The following TCF3 variants were observed in gnomAD, a reference collection of about 807,000 sequenced individuals.
TCF3 encodes transcription factor 3, also known as transcription factor E2-alpha.
In TCF3, 54 loss-of-function variants were observed where a neutral mutation model predicts 72.3. The observed-to-expected ratio is 0.75, with a 90% confidence interval of 0.60 to 0.94. The LOEUF is 0.94. Ranked by LOEUF, TCF3 falls within the 40% of genes least tolerant of loss-of-function variation. The probability of loss-of-function intolerance (pLI) is 0.00; values close to 1 mark genes in which losing one functional copy is unlikely to be tolerated. For missense variants in TCF3, 1,078 were observed against 934.4 expected, an observed-to-expected ratio of 1.15 and a Z score of -2.00; for synonymous variants, 525 against 412.6, an observed-to-expected ratio of 1.27 and a Z score of -3.30.
chr19:1,621,031 G>T lies in TCF3; in HGVS notation c.1030C>A (p.His344Asn), dbSNP rs758503503. The T allele has an allele frequency of 5.2e-6, 8 of 1,525,512 alleles. No homozygotes were observed. The African/African-American group carries it at 8.3e-5, about 16-fold the overall frequency. The allele number at this position is 1,525,512 out of a possible 1,614,324, so 94.5% of individuals were successfully genotyped here. The change falls in exon 13 of 19, where the codon CAC becomes AAC. Residue 344 changes from histidine to asparagine, a missense_variant. Coordinates refer to ENST00000262965, the MANE Select transcript of TCF3 (RefSeq NM_003200.5). ...CTGGACGAGAAGTTATTGCTTGAGT[G>T]ATCCGGGGAGTAGATCTGCGAGGAG... ...KALASIYSPD[H>N]SSNNFSSSPS...
chr19:1,619,845 G>T lies in TCF3; in HGVS notation c.1102C>A (p.Gln368Lys). Reference protein sequence around the residue: ...GSPQGLAGTSQWPRAGAPGAL... With the variant: ...GSPQGLAGTSKWPRAGAPGAL... ...CCGGGGGCTCCTGCTCGAGGCCACT[G>T]TGACGTTCCTGGAAGGGAGTGGGGA... The change falls in exon 14 of 19, where the codon CAG (glutamine) becomes AAG (lysine). Residue 368 changes from glutamine to lysine, a missense_variant. By Grantham distance (53) the Gln-to-Lys change is moderately conservative. Transcript: ENST00000262965. The T allele has an allele frequency of 6.3e-7, 1 of 1,578,350 alleles. No individual in the cohort carries two copies. Among genetic ancestry groups the T allele is most frequent in the Non-Finnish European group, 8.6e-7 (1 of 1,162,944 alleles).
intron 8 of TCF3, among the ~76,000 whole-genome samples, chr19:1,623,585 T>C (rs1469086961): frequency 6.6e-6 from 1 of 152,062 alleles, no homozygotes; most frequent in African/African-American, 2.4e-5. Context: ...GGTTTCACCA[T>C]GTTGACTAGG....
intron 1 of TCF3, chr19:1,650,869 G>C (rs2041903649): frequency 1.3e-5 from 3 of 232,090 alleles, no homozygotes; most frequent in African/African-American, 6.6e-5. Context: ...AAGTGCCGGG[G>C]GTGGGGGGGA....
chr19:1,632,163 C>T (rs886740376), intron 4 of TCF3, 47 bp from the exon 5 acceptor site: 9 of 1,588,162 alleles, frequency 5.7e-6, no homozygotes, highest in Non-Finnish European at 7.7e-6. Context: ...CTTCACAGGC[C>T]CCCCCTCCAC....
intron 14 of TCF3, 98 bp from the exon 15 acceptor site, chr19:1,619,572 T>C: frequency 6.9e-7 from 1 of 1,458,618 alleles, no homozygotes; most frequent in South Asian, 1.4e-5. Flanking sequence ...GGTGGTCCCA[T>C]CTTCCCCTTC....
intron 13 of TCF3, among the ~76,000 whole-genome samples, chr19:1,620,059 C>A (rs1244355990): frequency 2.0e-5 from 3 of 152,160 alleles, no homozygotes; most frequent in Non-Finnish European, 4.4e-5. Context: ...ACTGCCATTC[C>A]TATCTCTGAG....
chr19:1,627,630 G>A (rs2063060472), intron 5 of TCF3, among the ~76,000 whole-genome samples: 1 of 152,186 alleles, frequency 6.6e-6, no homozygotes, highest in South Asian at 2.1e-4. Context: ...GCAGAGCCCT[G>A]CCCTCAGTGT....
At chr19:1,617,400 C>T (rs1000680969) in intron 16 of TCF3, among the ~76,000 whole-genome samples, 10 of 152,224 alleles carry the variant, frequency 6.6e-5, no homozygotes, top group African/African-American at 2.4e-4. Context: ...AGTGGGACGC[C>T]GTGTTCATGA....
chr19:1,629,166 C>T (rs555498559), intron 5 of TCF3, among the ~76,000 whole-genome samples: 5 of 151,970 alleles, frequency 3.3e-5, no homozygotes, highest in African/African-American at 1.2e-4. Flanking sequence ...CTGGCCAGGC[C>T]CCTGCCCTTC....
intron 18 of TCF3, chr19:1,612,142 C>T (rs1299721972): frequency 6.8e-7 from 1 of 1,476,568 alleles, no homozygotes; most frequent in East Asian, 2.4e-5. Context: ...AGGAGGACCC[C>T]AGCATCTGCA....
chr19:1,619,115 G>A lies in TCF3; in HGVS notation c.1446C>T (p.Tyr482=), dbSNP rs1406374881. The change falls in exon 16 of 19, where the codon TAC becomes TAT. Residue 482 remains tyrosine (Y), a synonymous_variant. Transcript: ENST00000262965. ...GTCCCAAGCTCAAGGGCTTACCACT[G>A]TAGGAGTCGGGAGGCCGAGACAGGT... ...LPDLSRPPDS[Y]SGLGRAGATA... The A allele has an allele frequency of 1.3e-6, 2 of 1,599,452 alleles. No homozygotes were observed. Among genetic ancestry groups the A allele is most frequent in the South Asian group, 2.2e-5 (2 of 91,074 alleles).
At chr19:1,641,012 T>C (rs917908460) in intron 3 of TCF3, among the ~76,000 whole-genome samples, 4 of 151,866 alleles carry the variant, frequency 2.6e-5, no homozygotes, top group African/African-American at 7.3e-5. Context: ...TAGCCAGGCA[T>C]GGTGGCAGGC....
In TCF3 at chr19:1,632,072, G is replaced by A. The variant is rs145152739; in HGVS notation, c.264C>T (p.Leu88=). Residue 88 remains leucine (L), a synonymous_variant, in exon 5 of 19, where the codon CTC becomes CTT. Transcript: ENST00000262965. ...GTHFTESHSS[L]SSSTFLGPGL... is the part of the protein sequence containing the mutation. ...CCGGTCCCAGGAATGTGGATGAAGA[G>A]AGGCTGCTGTGCGACTCAGTGAAGT... is the stretch of plus-strand genomic sequence containing the variant. 1.9e-5 allele frequency: 30 copies of A among 1,613,420 alleles called. No individual in the cohort carries two copies. Among genetic ancestry groups the A allele is most frequent in the Non-Finnish European group, 2.5e-5 (30 of 1,179,884 alleles).
intron 5 of TCF3, among the ~76,000 whole-genome samples, chr19:1,631,049 C>T (rs1478610895): frequency 6.6e-6 from 1 of 152,348 alleles, no homozygotes; most frequent in Admixed American, 6.5e-5. Flanking sequence ...CCCTGCAGCA[C>T]GGGTGAGCCT....
intron 2 of TCF3, among the ~76,000 whole-genome samples, chr19:1,648,415 C>T (rs1294030303): frequency 2.0e-5 from 3 of 152,172 alleles, no homozygotes; most frequent in African/African-American, 4.8e-5. Flanking sequence ...CATCTGGGAA[C>T]GGCTCCGACC....
intron 5 of TCF3, among the ~76,000 whole-genome samples, 192 bp from the exon 6 acceptor site, chr19:1,627,618 C>T (rs2063057976): frequency 6.6e-6 from 1 of 152,190 alleles, no homozygotes; most frequent in Non-Finnish European, 1.5e-5. Context: ...TGCCCATCTC[C>T]CGCAGAGCCC....
intron 1 of TCF3, among the ~76,000 whole-genome samples, chr19:1,651,988 C>T (rs1407407162): frequency 2.0e-5 from 3 of 150,670 alleles, no homozygotes; most frequent in South Asian, 2.1e-4. Flanking sequence ...ACGGTCCTCG[C>T]GCCTAAGTTG....
At chr19:1,619,035 T>C in intron 16 of TCF3, 76 bp downstream of exon 16, 5 of 1,590,824 alleles carry the variant, frequency 3.1e-6, no homozygotes, top group Non-Finnish European at 3.4e-6. Context: ...GCTCCCACCC[T>C]GACCCCCACC....
chr19:1,626,435 CG>C (rs1177309951), intron 6 of TCF3, among the ~76,000 whole-genome samples: 2 of 150,918 alleles, frequency 1.3e-5, no homozygotes, highest in Non-Finnish European at 2.9e-5. Context: ...GGGCCATGAG[CG>C]AAACTCCGTC....
Sources: gnomAD v4.1 joint callset for allele counts (sites outside exome capture counted in the v4.1 genomes callset) on GRCh38, gnomAD v4.1.1 for gene constraint, MANE v1.5 for transcripts, NCBI Gene and HGNC (gene_info 2026-07-23, HGNC 2026-07-21) for gene names.